Variants in NEGR1 observed in about 807,000 individuals in gnomAD.
The protein encoded by NEGR1 is IgLON family member 4.
NEGR1 carries 10 observed loss-of-function variants against 40.9 expected under a neutral mutation model. That is an observed-to-expected ratio of 0.24 (90% confidence interval 0.15 to 0.42). The LOEUF (loss-of-function observed/expected upper bound fraction) is 0.42. Ranked by LOEUF, NEGR1 falls within the 10% of genes least tolerant of loss-of-function variation. The pLI, the probability that NEGR1 is intolerant of heterozygous loss-of-function variation, is 1.00. For missense variants in NEGR1, 352 were observed against 438.9 expected (o/e 0.80, Z 1.77); for synonymous variants, 185 against 166.8 (o/e 1.11, Z -0.84).
chr1:71,688,393 A>AAAG (rs58551950), intron 4 of NEGR1, among the ~76,000 whole-genome samples: 11,052 of 31,822 alleles, frequency 0.35, 3,181 homozygotes, highest in South Asian at 0.43. Flanking sequence ...AGATATATAA[A>AAAG]ATATATATAT....
intron 1 of NEGR1, among the ~76,000 whole-genome samples, chr1:72,209,126 AT>A (rs912724531): frequency 2.5e-4 from 38 of 151,342 alleles, no homozygotes; most frequent in Non-Finnish European, 5.6e-4. Context: ...AGAGATTTAG[AT>A]TTTTTTTCTT....
chr1:71,756,410 AC>A (rs59626823), intron 3 of NEGR1, among the ~76,000 whole-genome samples: 4,697 of 103,044 alleles, frequency 0.046, 152 homozygotes, highest in East Asian at 0.13. Flanking sequence ...ACAAAAACAA[AC>A]AAAAAAAAAA....
chr1:71,753,853 A>T (rs567241059), intron 3 of NEGR1, among the ~76,000 whole-genome samples: 1 of 152,024 alleles, frequency 6.6e-6, no homozygotes, highest in Non-Finnish European at 1.5e-5. Context: ...GCAGAAGAAC[A>T]CCTGGGAAGA....
At chr1:71,885,408 G>A (rs937727018) in intron 2 of NEGR1, among the ~76,000 whole-genome samples, 3 of 152,232 alleles carry the variant, frequency 2.0e-5, no homozygotes, top group Non-Finnish European at 4.4e-5. Flanking sequence ...TCACACAGCA[G>A]TGTTTCTTGC....
At chr1:71,491,996 G>A (rs1308254059) in intron 6 of NEGR1, among the ~76,000 whole-genome samples, 1 of 152,044 alleles carries the variant, frequency 6.6e-6, no homozygotes, top group African/African-American at 2.4e-5. Context: ...TATAAAAGAG[G>A]CATCACAGAC....
chr1:71,431,332 A>G (rs536404767), intron 6 of NEGR1, among the ~76,000 whole-genome samples: 7 of 152,302 alleles, frequency 4.6e-5, no homozygotes, highest in African/African-American at 1.2e-4. Flanking sequence ...TTTTTCTAGC[A>G]AAGTGTACAA....
chr1:71,597,898 G>A (rs967621092), intron 5 of NEGR1, among the ~76,000 whole-genome samples: 8 of 151,694 alleles, frequency 5.3e-5, no homozygotes, highest in African/African-American at 1.9e-4. Context: ...GGACAACAGA[G>A]TGAGACTCCA....
intron 2 of NEGR1, among the ~76,000 whole-genome samples, chr1:71,851,561 C>T (rs1659602519): frequency 6.6e-6 from 1 of 152,062 alleles, no homozygotes; most frequent in Admixed American, 6.6e-5. Flanking sequence ...CAGGGATCTG[C>T]ACAATCAGCA....
At chr1:72,182,839 T>C (rs1389811253) in intron 1 of NEGR1, among the ~76,000 whole-genome samples, 1 of 4,032 alleles carries the variant, frequency 2.5e-4, no homozygotes, top group East Asian at 0.015. Context: ...TATATACATA[T>C]ATAGTTAATA....
At chr1:71,484,962 T>G (rs999174083) in intron 6 of NEGR1, 2 of 151,672 alleles carry the variant, frequency 1.3e-5, no homozygotes, top group Non-Finnish European at 3.0e-5. Flanking sequence ...AGAAACTGAA[T>G]AGAATATAAT....
chr1:71,597,472 CTGTG>C (rs1553152644), intron 5 of NEGR1, among the ~76,000 whole-genome samples: 26 of 31,334 alleles, frequency 8.3e-4, no homozygotes, highest in East Asian at 5.8e-3. Flanking sequence ...CTCTCTCTCT[CTGTG>C]TGTGTGTGTG....
At chr1:71,900,983 T>C (rs1661128873) in intron 2 of NEGR1, among the ~76,000 whole-genome samples, 1 of 152,114 alleles carries the variant, frequency 6.6e-6, no homozygotes, top group Non-Finnish European at 1.5e-5. Flanking sequence ...TTCAAAATAT[T>C]TCCTGTTTAA....
At chr1:72,072,162 A>G (rs924410009) in intron 1 of NEGR1, among the ~76,000 whole-genome samples, 2 of 152,128 alleles carry the variant, frequency 1.3e-5, no homozygotes, top group Non-Finnish European at 2.9e-5. Flanking sequence ...GATCCCTAAT[A>G]TAACAGTCTG....
At chr1:71,580,831 G>C (rs1457673581) in intron 6 of NEGR1, among the ~76,000 whole-genome samples, 3 of 152,100 alleles carry the variant, frequency 2.0e-5, no homozygotes, top group Non-Finnish European at 4.4e-5. Flanking sequence ...TTTGTCTAGA[G>C]TCATGTAGGT....
At chr1:71,425,110 A>G (rs1183496142) in intron 6 of NEGR1, among the ~76,000 whole-genome samples, 1 of 152,126 alleles carries the variant, frequency 6.6e-6, no homozygotes, top group Non-Finnish European at 1.5e-5. Flanking sequence ...AAAGTTAGAA[A>G]TTAAAAAAAA....
At chr1:71,756,095 A>C (rs1253906855) in intron 3 of NEGR1, among the ~76,000 whole-genome samples, 4 of 152,138 alleles carry the variant, frequency 2.6e-5, no homozygotes, top group South Asian at 2.1e-4. Flanking sequence ...CACTAGCAAG[A>C]AGACTTATTG....
intron 1 of NEGR1, among the ~76,000 whole-genome samples, chr1:72,157,786 G>T (rs1651412913): frequency 6.6e-6 from 1 of 152,124 alleles, no homozygotes; most frequent in Non-Finnish European, 1.5e-5. Context: ...TGACATACAG[G>T]TTATCTAATT....
In NEGR1 at chr1:71,401,496, T is replaced by G. The variant is rs1646246359; in HGVS notation, c.*5950A>C. On this transcript the variant is annotated 3_prime_UTR_variant, in exon 7 of 7. Coordinates refer to ENST00000357731, the MANE Select transcript of NEGR1 (RefSeq NM_173808.3). Reference sequence around the variant, plus strand: ...CATAGGATTTGTATTATATTCATATTTTGAAAACAAAGTACAAATGTATTT... The same window carrying G: ...CATAGGATTTGTATTATATTCATATGTTGAAAACAAAGTACAAATGTATTT... 1 of 152,230 alleles carries G rather than the reference T, an allele frequency of 6.6e-6. No homozygotes were observed. Among genetic ancestry groups the G allele is most frequent in the Non-Finnish European group, 1.5e-5 (1 of 68,042 alleles). The allele number at this position is 152,230 out of a possible 1,614,324, so 9.4% of individuals were successfully genotyped here.
intron 1 of NEGR1, among the ~76,000 whole-genome samples, chr1:72,161,215 C>T (rs528932222): frequency 6.6e-6 from 1 of 152,058 alleles, no homozygotes; most frequent in Non-Finnish European, 1.5e-5. Context: ...TGGAAAAAGG[C>T]CATTCCTGGG....
Sources: gnomAD v4.1 joint callset for allele counts (sites outside exome capture counted in the v4.1 genomes callset) on GRCh38, gnomAD v4.1.1 for gene constraint, MANE v1.5 for transcripts, NCBI Gene and HGNC (gene_info 2026-07-23, HGNC 2026-07-21) for gene names.